Variants in TIAM2 observed in about 807,000 individuals in gnomAD.
TIAM2 encodes rho guanine nucleotide exchange factor TIAM2.
Under a neutral mutation model 152.9 loss-of-function variants are expected in TIAM2, and 80 were observed. That is an observed-to-expected ratio of 0.52 (90% CI 0.44 to 0.63). The LOEUF is 0.63. Among genes scored for constraint, TIAM2 ranks in the 30% least tolerant of loss-of-function variants. TIAM2 has a pLI of 0.00. For missense variants in TIAM2, 1,965 were observed against 2,120.1 expected, an observed-to-expected ratio of 0.93 and a Z score of 1.44; for synonymous variants, 804 against 838.0, an observed-to-expected ratio of 0.96 and a Z score of 0.70.
intron 1 of TIAM2, among the ~76,000 whole-genome samples, chr6:154,998,294 C>T (rs1300084559): frequency 6.6e-6 from 1 of 152,146 alleles, no homozygotes; most frequent in African/African-American, 2.4e-5. Flanking sequence ...TAATAAATTG[C>T]ATTGGAGTGC....
At chr6:155,076,818 C>T (rs1450787912) in intron 1 of TIAM2, among the ~76,000 whole-genome samples, 1 of 152,214 alleles carries the variant, frequency 6.6e-6, no homozygotes, top group African/African-American at 2.4e-5. Flanking sequence ...GCCTTAGCCT[C>T]CCGAGTAGCT....
chr6:155,114,014 TTATATATATA>T (rs1212954021), intron 2 of TIAM2, among the ~76,000 whole-genome samples: 2 of 58,852 alleles, frequency 3.4e-5, no homozygotes, highest in Non-Finnish European at 6.0e-5. Context: ...ATACTTTACT[TTATATATATA>T]TATATATATA....
chr6:155,102,322 A>G (rs552605679), intron 2 of TIAM2, among the ~76,000 whole-genome samples: 2 of 152,234 alleles, frequency 1.3e-5, no homozygotes, highest in South Asian at 4.1e-4. Flanking sequence ...AGTTTTTCTT[A>G]TAATTATTTA....
chr6:155,155,821 T>C (rs1316616167), intron 7 of TIAM2, among the ~76,000 whole-genome samples: 6 of 152,230 alleles, frequency 3.9e-5, no homozygotes, highest in Non-Finnish European at 7.3e-5. Context: ...TTTAGTTAAA[T>C]GAGCGTTTGT....
rs11309755 is a variant in TIAM2, at chr6:155,221,126, G to GA, written c.3168+9832dup. On this transcript the variant is annotated intron_variant, in intron 15 of 26. Transcript: ENST00000682666. ...TTTCATCTTGTTTTTTTTTTTTTTT[G>GA]AAAAAAAAAAAAACAAAAAAAAACA... Among the ~76,000 whole-genome samples the GA allele has an allele frequency of 1.1e-3, 121 of 109,028 alleles. 1 individual carries two copies. In the East Asian group the frequency reaches 0.014, roughly 13 times the overall value. The allele number at this position is 109,028 out of a possible 152,430, so 71.5% of individuals were successfully genotyped here.
chr6:155,211,053 G>A (rs921757112), intron 14 of TIAM2, 151 bp from the exon 15 acceptor site: 35 of 526,430 alleles, frequency 6.6e-5, no homozygotes, highest in African/African-American at 5.6e-4. Context: ...ATCTGTATGC[G>A]TAATTGTAAC....
chr6:155,139,663 G>A (rs1371146663), intron 5 of TIAM2, among the ~76,000 whole-genome samples: 1 of 152,210 alleles, frequency 6.6e-6, no homozygotes, highest in Non-Finnish European at 1.5e-5. Context: ...AGTGAGGCCA[G>A]GTGTGGTGGC....
intron 1 of TIAM2, among the ~76,000 whole-genome samples, chr6:155,055,699 C>T (rs774885280): frequency 7.9e-5 from 12 of 152,112 alleles, no homozygotes; most frequent in Non-Finnish European, 1.0e-4. Flanking sequence ...TGGTGGGTCA[C>T]GTCTGTAATC....
At position 155,043,633 on chromosome 6, in the gene TIAM2, CAAAAA is replaced by C. The variant is rs60093259; in HGVS notation, c.-208-46636_-208-46632del. Among the ~76,000 whole-genome samples, 51 of 50,256 alleles carry C rather than the reference CAAAAA, an allele frequency of 1.0e-3. 1 individual carries two copies. The highest frequency in any genetic ancestry group is 1.4e-3 in the Admixed American group (6 of 4,276). The allele number at this position is 50,256 out of a possible 152,430, so 33.0% of individuals were successfully genotyped here. On this transcript the variant is annotated intron_variant, in intron 1 of 26. Coordinates refer to ENST00000682666, the MANE Select transcript of TIAM2 (RefSeq NM_012454.4). ...TGGGTGACAGAGTGAGACCCTGTCT[CAAAAA>C]AAAAAAAAAAAAAAAAAAAGGATCT...
chr6:155,011,518 C>G (rs1778488971), intron 1 of TIAM2, among the ~76,000 whole-genome samples: 1 of 152,166 alleles, frequency 6.6e-6, no homozygotes, highest in Non-Finnish European at 1.5e-5. Context: ...AATGAAACAG[C>G]TTGTCTCAAT....
At chr6:155,202,475 A>G (rs113441795) in intron 14 of TIAM2, among the ~76,000 whole-genome samples, 2,919 of 152,274 alleles carry the variant, frequency 0.019, 90 homozygotes, top group African/African-American at 0.067. Flanking sequence ...CTGGAGTGCA[A>G]TGGCACAATC....
At chr6:155,084,646 G>C (rs1164182907) in intron 1 of TIAM2, among the ~76,000 whole-genome samples, 1 of 152,228 alleles carries the variant, frequency 6.6e-6, no homozygotes, top group Middle Eastern at 3.4e-3. Flanking sequence ...TTGTAACTTG[G>C]CTTACAGTAC....
At position 155,256,604 on chromosome 6, in the gene TIAM2, GCGGCTGCCCCA is replaced by G; in HGVS notation, c.4596_4606del (p.Cys1532Ter). 1 of 1,614,208 alleles carries G rather than the reference GCGGCTGCCCCA, an allele frequency of 6.2e-7. No homozygotes were observed. Among genetic ancestry groups the G allele is most frequent in the Non-Finnish European group, 8.5e-7 (1 of 1,180,038 alleles). ...AGCTTGAGCAGCGGCACCCAGAGCA[GCGGCTGCCCCA>G]CGGCTGAGGGCAGGCAGGACTCCAA... is the stretch of plus-strand genomic sequence containing the variant. On this transcript the variant is annotated frameshift_variant, in exon 27 of 27. Transcript: ENST00000682666. LOFTEE classifies it low-confidence loss of function (END_TRUNC).
At chr6:155,127,223 A>T (rs1779315538) in intron 2 of TIAM2, among the ~76,000 whole-genome samples, 1 of 152,268 alleles carries the variant, frequency 6.6e-6, no homozygotes, top group South Asian at 2.1e-4. Flanking sequence ...CGCATGACTC[A>T]CTGGAGCGGT....
chr6:155,092,920 A>G (rs9480048), intron 2 of TIAM2, among the ~76,000 whole-genome samples: 69,559 of 152,076 alleles, frequency 0.46, 16,804 homozygotes, highest in Admixed American at 0.63. Context: ...CAAGTTTGAA[A>G]TTTGTTTTGT....
At chr6:155,180,527 T>C (rs139884746) in intron 12 of TIAM2, among the ~76,000 whole-genome samples, 50 of 152,332 alleles carry the variant, frequency 3.3e-4, no homozygotes, top group African/African-American at 1.0e-3. Context: ...GTTTATAATA[T>C]GTTAAAATGT....
chr6:155,216,879 T>C, intron 15 of TIAM2: 1 of 1,155,206 alleles, frequency 8.7e-7, no homozygotes, highest in Non-Finnish European at 1.1e-6. Context: ...CTTCCCCCAA[T>C]CACCGGTGCT....
chr6:155,031,449 G>A (rs1234951234), intron 1 of TIAM2, among the ~76,000 whole-genome samples: 1 of 152,184 alleles, frequency 6.6e-6, no homozygotes, highest in African/African-American at 2.4e-5. Flanking sequence ...GAGGCTGGGA[G>A]TGGTGGCTCA....
intron 20 of TIAM2, 124 bp from the exon 21 acceptor site, chr6:155,249,727 T>A: frequency 1.4e-6 from 1 of 693,094 alleles, no homozygotes; most frequent in Non-Finnish European, 2.3e-6. Context: ...CTGAATGTAA[T>A]GCTCCTGCTA....
Sources: allele counts gnomAD v4.1 joint callset (sites outside exome capture counted in the v4.1 genomes callset), GRCh38; gene constraint gnomAD v4.1.1; transcripts MANE v1.5; gene names NCBI Gene and HGNC (gene_info 2026-07-23, HGNC 2026-07-21).